PLAUR: variants seen among roughly 807,000 people sequenced by gnomAD.
The protein encoded by PLAUR is urokinase plasminogen activator surface receptor.
Under a neutral mutation model 33.4 loss-of-function variants are expected in PLAUR, and 22 were observed. The observed-to-expected ratio is 0.66, with a 90% CI of 0.47 to 0.94. The LOEUF (loss-of-function observed/expected upper bound fraction) is 0.94. Ranked by LOEUF, PLAUR falls within the 40% of genes least tolerant of loss-of-function variation. The probability of loss-of-function intolerance (pLI) is 0.00; values close to 1 mark genes in which losing one functional copy is unlikely to be tolerated. For missense variants in PLAUR, 408 were observed against 434.7 expected (o/e 0.94, Z 0.55); for synonymous variants, 148 against 167.3 (o/e 0.88, Z 0.89).
chr19:43,646,518 C>T (rs1973827371), downstream of PLAUR: 1 of 717,914 alleles, frequency 1.4e-6, no homozygotes, highest in Non-Finnish European at 2.6e-6. Flanking sequence ...AGTACTTTTA[C>T]ATGGCAACCA....
At chr19:43,667,744 C>A in intron 1 of PLAUR, 53 bp from the exon 2 acceptor site, 2 of 1,588,844 alleles carry the variant, frequency 1.3e-6, no homozygotes, top group Non-Finnish European at 1.7e-6. Context: ...AGCTCCAAGA[C>A]CCCCGCTCAC....
intron 6 of PLAUR, among the ~76,000 whole-genome samples, chr19:43,650,540 G>T (rs1009001816): frequency 2.0e-5 from 3 of 151,112 alleles, no homozygotes; most frequent in African/African-American, 7.3e-5. Context: ...TGCCCAGGCT[G>T]GTCTCAAATC....
intron 6 of PLAUR, among the ~76,000 whole-genome samples, chr19:43,651,010 C>T (rs573122662): frequency 2.1e-5 from 3 of 144,502 alleles, no homozygotes; most frequent in Non-Finnish European, 3.0e-5. Flanking sequence ...TCTAGCCTGG[C>T]GACAGAGCAA....
At chr19:43,646,811 T>TGG (rs752809421), downstream of PLAUR, among the ~76,000 whole-genome samples, 93 of 128,294 alleles carry the variant, frequency 7.2e-4, no homozygotes, top group East Asian at 3.1e-3. Flanking sequence ...TTTTTTTTTT[T>TGG]GGGGATAGTC....
At chr19:43,667,526 A>G in intron 2 of PLAUR, 55 bp downstream of exon 2, 1 of 1,251,876 alleles carries the variant, frequency 8.0e-7, no homozygotes, top group Non-Finnish European at 1.2e-6. Flanking sequence ...AGGTTTCTCA[A>G]TCACTCGCGT....
chr19:43,662,063 C>T (rs1020042715), intron 3 of PLAUR, among the ~76,000 whole-genome samples: 1 of 152,110 alleles, frequency 6.6e-6, no homozygotes, highest in Non-Finnish European at 1.5e-5. Context: ...CACTTTTCTT[C>T]CTCTGCACAC....
At chr19:43,646,450 A>T, downstream of PLAUR, 2 of 718,202 alleles carry the variant, frequency 2.8e-6, no homozygotes, top group Non-Finnish European at 5.2e-6. Context: ...CTATCTCCAC[A>T]TGGCATTTAT....
chr19:43,665,179 T>C (rs1290513842), intron 3 of PLAUR, 137 bp downstream of exon 3: 2 of 799,074 alleles, frequency 2.5e-6, no homozygotes, highest in Non-Finnish European at 4.1e-6. Context: ...TAGAGATGGG[T>C]TGGGTTGGGG....
chr19:43,651,026 C>T (rs927167657), intron 6 of PLAUR, among the ~76,000 whole-genome samples: 123 of 126,754 alleles, frequency 9.7e-4, no homozygotes, highest in African/African-American at 3.4e-3. Flanking sequence ...AGCAAGACTC[C>T]ATTTCAAAAA....
chr19:43,646,380 G>T (rs920131254), downstream of PLAUR: 1 of 700,028 alleles, frequency 1.4e-6, no homozygotes. Context: ...ACATGTCCAA[G>T]GTGGCTTCTT....
intron 3 of PLAUR, among the ~76,000 whole-genome samples, chr19:43,664,201 G>A (rs1377366971): frequency 6.6e-6 from 1 of 151,746 alleles, no homozygotes; most frequent in Non-Finnish European, 1.5e-5. Flanking sequence ...CAGCGGATTA[G>A]TGTTTGAGGT....
intron 6 of PLAUR, 199 bp downstream of exon 6, chr19:43,652,026 A>C (rs1171645264): frequency 3.7e-6 from 5 of 1,359,640 alleles, no homozygotes; most frequent in Non-Finnish European, 3.8e-6. Flanking sequence ...CCGGAATTCC[A>C]CTTTTCCATG....
chr19:43,647,903 G>T (rs1160285129), downstream of PLAUR, among the ~76,000 whole-genome samples: 2 of 150,422 alleles, frequency 1.3e-5, no homozygotes, highest in East Asian at 3.9e-4. Flanking sequence ...AAACCAACCT[G>T]AGGGGGGCTT....
At position 43,669,809 on chromosome 19, in the gene PLAUR, CAAAAAAAAAAAAA is replaced by C. The variant is rs59728904; in HGVS notation, c.55+244_55+256del. Among the ~76,000 whole-genome samples the C allele has an allele frequency of 4.2e-5, 3 of 71,190 alleles. No homozygotes were observed. The Admixed American group carries it at 5.4e-4, about 13-fold the overall frequency. The allele number at this position is 71,190 out of a possible 152,430, so 46.7% of individuals were successfully genotyped here. On this transcript the variant is annotated intron_variant, in intron 1 of 6. Coordinates refer to ENST00000340093, the MANE Select transcript of PLAUR (RefSeq NM_002659.4). ...CCTGGGCGACAGAGTGAGACTCTGTCAAAAAAAAAAAAAAAAAAAAAAAAGCACTCACTAAATT... is the reference window on the plus strand; with the variant it reads ...CCTGGGCGACAGAGTGAGACTCTGTCAAAAAAAAAAAGCACTCACTAAATT...
chr19:43,656,539 G>C lies in PLAUR; in HGVS notation c.412C>G (p.Arg138Gly), dbSNP rs200652261. ...TCCAGGCACTGTTCTTCAGGGCTGC[G>C]GCACTGCAGGCTCTGGTGCCGGCCC... ...ERGRHQSLQC[R>G]SPEEQCLDVV... The change falls in exon 4 of 7, where the codon CGC (arginine) becomes GGC (glycine). Residue 138 changes from arginine to glycine, a missense_variant. By Grantham distance (125) the Arg-to-Gly change is moderately radical. Coordinates refer to ENST00000340093, the MANE Select transcript of PLAUR (RefSeq NM_002659.4). The C allele has an allele frequency of 8.7e-6, 14 of 1,612,016 alleles. No individual in the cohort carries two copies. The highest frequency in any genetic ancestry group is 3.4e-6 in the Non-Finnish European group (4 of 1,178,658).
intron 3 of PLAUR, among the ~76,000 whole-genome samples, chr19:43,664,634 G>GT (rs1003072770): frequency 5.3e-5 from 8 of 152,174 alleles, no homozygotes; most frequent in African/African-American, 9.7e-5. Flanking sequence ...CCTCACATTT[G>GT]TTTTTTCACT....
At chr19:43,651,357 G>A (rs1297173640) in intron 6 of PLAUR, among the ~76,000 whole-genome samples, 2 of 151,962 alleles carry the variant, frequency 1.3e-5, no homozygotes, top group African/African-American at 4.8e-5. Context: ...GATTACAGGC[G>A]TGAGCCACCA....
At position 43,656,505 on chromosome 19, in the gene PLAUR, G is replaced by A; in HGVS notation, c.446C>T (p.Thr149Ile). 6.2e-7 allele frequency: 1 copy of A among 1,601,734 alleles called. No individual in the cohort carries two copies. The highest frequency in any genetic ancestry group is 8.5e-7 in the Non-Finnish European group (1 of 1,172,534). ...TTCTTCACCTTCCTGGATCCAGTGG[G>A]TCACCACATCCAGGCACTGTTCTTC... is the stretch of plus-strand genomic sequence containing the variant. The part of the protein sequence containing the change: ...SPEEQCLDVV[T>I]HWIQEGEEGR... The change falls in exon 4 of 7, where the codon ACC (threonine) becomes ATC (isoleucine). Residue 149 changes from threonine to isoleucine, a missense_variant. By Grantham distance (89) the Thr-to-Ile change is moderately conservative. Coordinates refer to ENST00000340093, the MANE Select transcript of PLAUR (RefSeq NM_002659.4).
chr19:43,651,437 G>GTTT (rs34622358), intron 6 of PLAUR, among the ~76,000 whole-genome samples: 3 of 137,982 alleles, frequency 2.2e-5, no homozygotes, highest in Non-Finnish European at 3.2e-5. Context: ...ACAATAAAGA[G>GTTT]TTTTTTTTTT....
Sources: allele counts gnomAD v4.1 joint callset (sites outside exome capture counted in the v4.1 genomes callset), GRCh38; gene constraint gnomAD v4.1.1; transcripts MANE v1.5; gene names NCBI Gene and HGNC (gene_info 2026-07-23, HGNC 2026-07-21).